Variants in KCNH8 observed in about 807,000 individuals in gnomAD.
KCNH8 encodes the protein voltage-gated delayed rectifier potassium channel KCNH8.
KCNH8 carries 70 observed loss-of-function variants against 103.6 expected under a neutral mutation model. That is an observed-to-expected ratio of 0.68 (90% CI 0.56 to 0.82). The LOEUF (loss-of-function observed/expected upper bound fraction) is 0.82. KCNH8 is among the 40% of genes least tolerant of loss of function. KCNH8 has a pLI of 0.00. For synonymous variants in KCNH8, 498 were observed against 489.4 expected, an observed-to-expected ratio of 1.02 and a Z score of -0.23; for missense variants, 1,217 against 1,329.9, an observed-to-expected ratio of 0.92 and a Z score of 1.32.
intron 1 of KCNH8, among the ~76,000 whole-genome samples, chr3:19,229,030 T>G (rs2063964292): frequency 6.6e-6 from 1 of 152,266 alleles, no homozygotes; most frequent in South Asian, 2.1e-4. Context: ...TGTACATTAG[T>G]CTAGAATTAC....
chr3:19,170,745 CACACACATATATAT>C lies in KCNH8; in HGVS notation c.76+21972_76+21985del, dbSNP rs1200615724. 1.3e-3 allele frequency among the ~76,000 whole-genome samples: 146 copies of C among 112,614 alleles called. 4 individuals are homozygous for C. The highest frequency in any genetic ancestry group is 4.2e-3 in the African/African-American group (127 of 30,552). The allele number at this position is 112,614 out of a possible 152,430, so 73.9% of individuals were successfully genotyped here. ...ACATATATACACACACATATATATA[CACACACATATATAT>C]ACACACATATATATACACACACACA... On this transcript the variant is annotated intron_variant, in intron 1 of 15. Transcript: ENST00000328405.
At chr3:19,523,442 CATT>C (rs1477663057) in intron 15 of KCNH8, among the ~76,000 whole-genome samples, 4 of 151,906 alleles carry the variant, frequency 2.6e-5, no homozygotes, top group Non-Finnish European at 4.4e-5. Context: ...AGAGTCCTGC[CATT>C]ATCAGATAAG....
At chr3:19,365,421 G>A (rs954775893) in intron 5 of KCNH8, among the ~76,000 whole-genome samples, 35 of 151,874 alleles carry the variant, frequency 2.3e-4, no homozygotes, top group African/African-American at 7.7e-4. Context: ...TTATTTCTCT[G>A]TGTTTTATAA....
intron 7 of KCNH8, among the ~76,000 whole-genome samples, chr3:19,402,840 GT>G (rs555769131): frequency 4.6e-4 from 70 of 151,986 alleles, no homozygotes; most frequent in African/African-American, 1.7e-3. Flanking sequence ...AGTTATGCTT[GT>G]TCCGTACTTC....
chr3:19,239,047 A>T (rs2064101132), intron 1 of KCNH8, among the ~76,000 whole-genome samples: 1 of 152,228 alleles, frequency 6.6e-6, no homozygotes, highest in Non-Finnish European at 1.5e-5. Flanking sequence ...GTAGTTATAA[A>T]GACAGGAATA....
intron 7 of KCNH8, among the ~76,000 whole-genome samples, chr3:19,412,398 G>A (rs183925977): frequency 1.3e-5 from 2 of 151,922 alleles, no homozygotes; most frequent in African/African-American, 4.8e-5. Context: ...AACTCAAGGT[G>A]GATTAAAGAG....
intron 1 of KCNH8, among the ~76,000 whole-genome samples, chr3:19,193,184 T>C (rs763478261): frequency 2.8e-4 from 42 of 151,712 alleles, no homozygotes; most frequent in Non-Finnish European, 4.3e-4. Flanking sequence ...TTAAAAAATA[T>C]TAAAGTAAAC....
At chr3:19,219,502 A>G (rs2063850734) in intron 1 of KCNH8, among the ~76,000 whole-genome samples, 1 of 152,172 alleles carries the variant, frequency 6.6e-6, no homozygotes, top group African/African-American at 2.4e-5. Context: ...TGTGTGTAGC[A>G]TTCCCATTTT....
chr3:19,164,011 G>A (rs1197338196), intron 1 of KCNH8, among the ~76,000 whole-genome samples: 4 of 152,132 alleles, frequency 2.6e-5, no homozygotes, highest in Non-Finnish European at 5.9e-5. Flanking sequence ...TAAATTTTGG[G>A]AGAGTCAAAA....
chr3:19,469,807 C>G (rs1314830442), intron 11 of KCNH8, among the ~76,000 whole-genome samples: 1 of 152,176 alleles, frequency 6.6e-6, no homozygotes, highest in Non-Finnish European at 1.5e-5. Context: ...CTGACTGCAG[C>G]AAAATGACTC....
intron 15 of KCNH8, among the ~76,000 whole-genome samples, chr3:19,524,225 G>A (rs933280780): frequency 3.9e-5 from 6 of 151,912 alleles, no homozygotes; most frequent in African/African-American, 1.4e-4. Flanking sequence ...GTCATTCCAA[G>A]ATTTGTCTAT....
At chr3:19,455,099 G>A (rs2067510754) in intron 10 of KCNH8, among the ~76,000 whole-genome samples, 1 of 152,108 alleles carries the variant, frequency 6.6e-6, no homozygotes, top group African/African-American at 2.4e-5. Context: ...CACAACAGCT[G>A]TCCAACCATA....
At chr3:19,232,822 G>GTT (rs1461809526) in intron 1 of KCNH8, among the ~76,000 whole-genome samples, 21 of 152,166 alleles carry the variant, frequency 1.4e-4, no homozygotes, top group African/African-American at 3.9e-4. Flanking sequence ...GTCACGTGTA[G>GTT]CTACAGGTCT....
intron 1 of KCNH8, among the ~76,000 whole-genome samples, chr3:19,162,441 A>G (rs1242407813): frequency 6.6e-6 from 1 of 151,794 alleles, no homozygotes; most frequent in Non-Finnish European, 1.5e-5. Flanking sequence ...TGGGAGGTGG[A>G]GGTTGCAGTG....
chr3:19,355,998 C>A (rs1422492184), intron 5 of KCNH8, among the ~76,000 whole-genome samples: 1 of 151,412 alleles, frequency 6.6e-6, no homozygotes, highest in Non-Finnish European at 1.5e-5. Context: ...ATCTTATAAT[C>A]AATTAGGGCA....
intron 7 of KCNH8, among the ~76,000 whole-genome samples, chr3:19,412,887 G>A (rs1217442699): frequency 6.6e-6 from 1 of 151,928 alleles, no homozygotes; most frequent in East Asian, 1.9e-4. Flanking sequence ...GTGTTGGTGA[G>A]GCTGTGGAGA....
intron 10 of KCNH8, among the ~76,000 whole-genome samples, chr3:19,455,143 A>T (rs1038441690): frequency 1.1e-4 from 16 of 152,152 alleles, no homozygotes; most frequent in Non-Finnish European, 1.9e-4. Flanking sequence ...TCCAGTCAAG[A>T]TGTGCAGACA....
At chr3:19,218,361 ATT>A (rs1575444758) in intron 1 of KCNH8, among the ~76,000 whole-genome samples, 1 of 152,096 alleles carries the variant, frequency 6.6e-6, no homozygotes, top group African/African-American at 2.4e-5. Context: ...AACTGACCAT[ATT>A]TTTAGTTTGA....
At chr3:19,396,206 T>C (rs1390429227) in intron 7 of KCNH8, among the ~76,000 whole-genome samples, 6 of 152,056 alleles carry the variant, frequency 3.9e-5, no homozygotes, top group African/African-American at 2.4e-5. Context: ...CTTGAACTTT[T>C]GGAAGAAGCT....
Sources: gnomAD v4.1 joint callset for allele counts (sites outside exome capture counted in the v4.1 genomes callset) on GRCh38, gnomAD v4.1.1 for gene constraint, MANE v1.5 for transcripts, NCBI Gene and HGNC (gene_info 2026-07-23, HGNC 2026-07-21) for gene names.